CNNM2: variants seen among roughly 807,000 people sequenced by gnomAD.
CNNM2 encodes metal transporter CNNM2.
In CNNM2, 12 loss-of-function variants were observed where a neutral mutation model predicts 66.9. The ratio of observed to expected loss-of-function variants is 0.18; its 90% CI spans 0.11 to 0.29. The LOEUF (loss-of-function observed/expected upper bound fraction) is 0.29, where lower values mean the gene tolerates loss of function less well. Ranked by LOEUF, CNNM2 falls within the 10% of genes least tolerant of loss-of-function variation. CNNM2 has a pLI of 1.00. For synonymous variants in CNNM2, 557 were observed against 501.8 expected (o/e 1.11, Z -1.47); for missense variants, 705 against 1,167.7 (o/e 0.60, Z 5.77).
chr10:102,999,594 A>G (rs1396748619), intron 1 of CNNM2, among the ~76,000 whole-genome samples: 4 of 152,264 alleles, frequency 2.6e-5, no homozygotes, highest in South Asian at 2.1e-4. Context: ...TAAAATGGCA[A>G]TGCTTATCAG....
intron 1 of CNNM2, among the ~76,000 whole-genome samples, chr10:102,998,078 ACT>A (rs1035184413): frequency 1.3e-5 from 2 of 151,972 alleles, no homozygotes; most frequent in Admixed American, 6.6e-5. Flanking sequence ...GAGTTAACAA[ACT>A]CTCTTCTGAT....
At chr10:103,047,842 A>G (rs982189534) in intron 1 of CNNM2, among the ~76,000 whole-genome samples, 17 of 152,304 alleles carry the variant, frequency 1.1e-4, no homozygotes, top group African/African-American at 3.8e-4. Context: ...ATCACCAGCA[A>G]TCTCATCAGA....
chr10:103,077,380 C>T lies in CNNM2; in HGVS notation c.*200C>T. 1 of 544,256 alleles carries T rather than the reference C, an allele frequency of 1.8e-6. No individual in the cohort carries two copies. Among genetic ancestry groups the T allele is most frequent in the Non-Finnish European group, 3.2e-6 (1 of 308,164 alleles). The allele number at this position is 544,256 out of a possible 1,614,324, so 33.7% of individuals were successfully genotyped here. Reference sequence around the variant, plus strand: ...ATGGAAACGAGAGATGTGAAGTTGGCAGCCGGGGCATGGCGTTCAAGATTT... The same window carrying T: ...ATGGAAACGAGAGATGTGAAGTTGGTAGCCGGGGCATGGCGTTCAAGATTT... On this transcript the variant is annotated 3_prime_UTR_variant, in exon 8 of 8. Transcript: ENST00000369878.
chr10:103,018,460 T>C (rs1456324560), intron 1 of CNNM2, among the ~76,000 whole-genome samples: 1 of 152,014 alleles, frequency 6.6e-6, no homozygotes, highest in African/African-American at 2.4e-5. Flanking sequence ...GAGGGAGACA[T>C]AAAAGATCAC....
At chr10:102,995,156 T>TCCC (rs2063968276) in intron 1 of CNNM2, among the ~76,000 whole-genome samples, 1 of 138,772 alleles carries the variant, frequency 7.2e-6, no homozygotes, top group Non-Finnish European at 1.6e-5. Context: ...CTCCTCCCCC[T>TCCC]CTTCCTCCTC....
intron 1 of CNNM2, among the ~76,000 whole-genome samples, chr10:102,945,613 C>T (rs756115057): frequency 6.6e-6 from 1 of 152,030 alleles, no homozygotes; most frequent in Non-Finnish European, 1.5e-5. Context: ...TCCAGGCTCT[C>T]TCCTCTCTCT....
At chr10:103,001,996 C>CAAAT (rs928829478) in intron 1 of CNNM2, among the ~76,000 whole-genome samples, 35 of 151,968 alleles carry the variant, frequency 2.3e-4, no homozygotes, top group Admixed American at 9.2e-4. Context: ...GACTTTCTCC[C>CAAAT]AAATAAATAA....
intron 1 of CNNM2, among the ~76,000 whole-genome samples, chr10:102,989,948 CTT>C (rs35468777): frequency 4.9e-5 from 7 of 142,878 alleles, no homozygotes; most frequent in Non-Finnish European, 3.1e-5. Flanking sequence ...ATCCATTAAA[CTT>C]TTTTTTTTTT....
chr10:103,088,490 T>TTCTC lies in CNNM2; in HGVS notation c.*11311_*11314dup, dbSNP rs2065974147. 6.6e-6 allele frequency: 1 copy of TTCTC among 152,386 alleles called. No individual in the cohort carries two copies. The highest frequency in any genetic ancestry group is 6.5e-5 in the Admixed American group (1 of 15,282). The allele number at this position is 152,386 out of a possible 1,614,324, so 9.4% of individuals were successfully genotyped here. A position where few individuals can be genotyped will look rare whatever the true frequency, so the allele number is the denominator to read the frequency against. ...ACCTCCGCCTCCTGGGTTCAAGCAATTCTCCTGCCTCAGCCTCCTGAGTAG... is the reference window on the plus strand; with the variant it reads ...ACCTCCGCCTCCTGGGTTCAAGCAATTCTCTCTCCTGCCTCAGCCTCCTGAGTAG... On this transcript the variant is annotated 3_prime_UTR_variant, in exon 8 of 8. Coordinates refer to ENST00000369878, the MANE Select transcript of CNNM2 (RefSeq NM_017649.5).
Position 102,960,518 on chromosome 10 carries a change from C to T in CNNM2, c.1621+40417C>T, listed in dbSNP as rs576091886. ...TTGACATATCTTTTTTCCTCCAGTG[C>T]GTATTTATTTATCTTTTTAAAATTT... On this transcript the variant is annotated intron_variant, in intron 1 of 7. Transcript: ENST00000369878. Among the ~76,000 whole-genome samples, 286 of 152,180 alleles carry T rather than the reference C, an allele frequency of 1.9e-3. 1 individual carries two copies. Among genetic ancestry groups the T allele is most frequent in the African/African-American group, 6.7e-3 (279 of 41,512 alleles).
At chr10:103,021,949 A>G (rs2064590724) in intron 1 of CNNM2, among the ~76,000 whole-genome samples, 1 of 152,202 alleles carries the variant, frequency 6.6e-6, no homozygotes, top group African/African-American at 2.4e-5. Context: ...AATTCCTGGT[A>G]AAGAAGGTTT....
intron 1 of CNNM2, among the ~76,000 whole-genome samples, chr10:103,034,891 G>A (rs958165824): frequency 4.6e-5 from 7 of 150,568 alleles, no homozygotes; most frequent in African/African-American, 1.5e-4. Context: ...GCGTGAACCC[G>A]GGAAGCGGAG....
chr10:102,994,187 T>C (rs1440785151), intron 1 of CNNM2, among the ~76,000 whole-genome samples: 1 of 152,210 alleles, frequency 6.6e-6, no homozygotes, highest in Non-Finnish European at 1.5e-5. Flanking sequence ...TCCACCCGCC[T>C]TGGGCTCCCA....
At position 102,926,311 on chromosome 10, in the gene CNNM2, C is replaced by T. The variant is rs553999792; in HGVS notation, c.1621+6210C>T. ...CATAGACATTTAGGTGAGGAGAGAC[C>T]CTAGTTAAATACCAGCCCTGACTAA... On this transcript the variant is annotated intron_variant, in intron 1 of 7. Coordinates refer to ENST00000369878, the MANE Select transcript of CNNM2 (RefSeq NM_017649.5). 1.4e-4 allele frequency among the ~76,000 whole-genome samples: 21 copies of T among 152,148 alleles called. 2 individuals are homozygous for T. The South Asian group carries it at 4.4e-3, about 32-fold the overall frequency.
intron 1 of CNNM2, among the ~76,000 whole-genome samples, chr10:102,956,911 A>C (rs1041964096): frequency 9.2e-5 from 14 of 152,304 alleles, no homozygotes; most frequent in African/African-American, 3.1e-4. Context: ...GTAGCAAACC[A>C]ACATGGCACA....
chr10:102,922,495 G>A (rs910671439), intron 1 of CNNM2, among the ~76,000 whole-genome samples: 18 of 151,706 alleles, frequency 1.2e-4, no homozygotes, highest in South Asian at 2.1e-4. Flanking sequence ...ACTGAATAAC[G>A]GCGTATTAAA....
chr10:103,077,246 C>A lies in CNNM2; in HGVS notation c.*66C>A. 1.4e-6 allele frequency: 2 copies of A among 1,408,998 alleles called. No individual in the cohort carries two copies. The highest frequency in any genetic ancestry group is 1.2e-5 in the South Asian group (1 of 84,290). 87.3% of individuals were successfully genotyped at this position (1,408,998 alleles called of 1,614,324 possible). A position where few individuals can be genotyped will look rare whatever the true frequency, so the allele number is the denominator to read the frequency against. On this transcript the variant is annotated 3_prime_UTR_variant, in exon 8 of 8. Transcript: ENST00000369878. ...TCCCGAGGGCCCGGCCCTGTCTGCC[C>A]ATGACTTCACTGGTGTGAGCTTGTC...
At chr10:102,991,696 A>T (rs1319659257) in intron 1 of CNNM2, among the ~76,000 whole-genome samples, 1 of 152,218 alleles carries the variant, frequency 6.6e-6, no homozygotes, top group African/African-American at 2.4e-5. Context: ...AAGGAATGTT[A>T]TATTATCATT....
chr10:103,089,795 C>T lies in CNNM2; in HGVS notation c.*12615C>T. The T allele has an allele frequency of 1.2e-6, 2 of 1,614,020 alleles. No homozygotes were observed. The highest frequency in any genetic ancestry group is 1.3e-5 in the African/African-American group (1 of 74,990). ...CACTAATTGACCGTGTCAGCTGGTG[C>T]CGCTTGTAGTCAGTGTCTTTGAAAT... On this transcript the variant is annotated 3_prime_UTR_variant, in exon 8 of 8. Transcript: ENST00000369878.
Sources: gnomAD v4.1 joint callset for allele counts (sites outside exome capture counted in the v4.1 genomes callset) on GRCh38, gnomAD v4.1.1 for gene constraint, MANE v1.5 for transcripts, NCBI Gene and HGNC (gene_info 2026-07-23, HGNC 2026-07-21) for gene names.